GSG1L: variants seen among roughly 807,000 people sequenced by gnomAD.
GSG1L encodes the protein germ cell-specific gene 1-like protein.
Under a neutral mutation model 42.1 loss-of-function variants are expected in GSG1L, and 24 were observed. That is an observed-to-expected ratio of 0.57 (90% confidence interval 0.41 to 0.80). The LOEUF (loss-of-function observed/expected upper bound fraction) is 0.80. Ranked by LOEUF, GSG1L falls within the 30% of genes least tolerant of loss-of-function variation. The pLI is 0.00. For missense variants in GSG1L, 445 were observed against 472.2 expected (o/e 0.94, Z 0.53); for synonymous variants, 215 against 203.5 (o/e 1.06, Z -0.48).
At chr16:28,006,988 A>G (rs1431369595) in intron 1 of GSG1L, among the ~76,000 whole-genome samples, 2 of 152,192 alleles carry the variant, frequency 1.3e-5, no homozygotes, top group African/African-American at 2.4e-5. Flanking sequence ...TCAGGGAGAC[A>G]CTGAGAGCCC....
chr16:27,889,831 T>C lies in GSG1L; in HGVS notation c.398-5193A>G, dbSNP rs150014051. Among the ~76,000 whole-genome samples the C allele has an allele frequency of 3.0e-3, 452 of 152,330 alleles. 2 individuals carry two copies. The highest frequency in any genetic ancestry group is 0.01 in the African/African-American group (424 of 41,582). Reference sequence around the variant, plus strand: ...ACTTTGCACCCAAATCCTCATCCTATGCTGCGCCTCTAGATAATCTGATCT... The same window carrying C: ...ACTTTGCACCCAAATCCTCATCCTACGCTGCGCCTCTAGATAATCTGATCT... On this transcript the variant is annotated intron_variant, in intron 2 of 6. Coordinates refer to ENST00000447459, the MANE Select transcript of GSG1L (RefSeq NM_001109763.2).
At chr16:27,866,107 G>A (rs1323852755) in intron 3 of GSG1L, among the ~76,000 whole-genome samples, 1 of 151,626 alleles carries the variant, frequency 6.6e-6, no homozygotes. Context: ...ATATCTCTCT[G>A]CCTCTCTGTA....
chr16:27,794,677 C>T (rs542340533), intron 6 of GSG1L, among the ~76,000 whole-genome samples: 116 of 152,290 alleles, frequency 7.6e-4, no homozygotes, highest in Non-Finnish European at 6.3e-4. Flanking sequence ...AACAAAACCT[C>T]CTGGCTTTTA....
At chr16:27,817,255 T>C (rs72780177) in intron 5 of GSG1L, among the ~76,000 whole-genome samples, 24,958 of 152,068 alleles carry the variant, frequency 0.16, 2,133 homozygotes, top group South Asian at 0.24. Flanking sequence ...GGGTGTCAGG[T>C]GCCCTGGGGC....
intron 6 of GSG1L, among the ~76,000 whole-genome samples, chr16:27,795,432 G>A (rs534292688): frequency 7.9e-5 from 12 of 152,200 alleles, no homozygotes; most frequent in South Asian, 4.2e-4. Flanking sequence ...TTTTTAAGCC[G>A]TGTGGCTTCT....
intron 1 of GSG1L, among the ~76,000 whole-genome samples, chr16:28,042,350 TG>T (rs2086116030): frequency 6.6e-6 from 1 of 151,426 alleles, no homozygotes; most frequent in Non-Finnish European, 1.5e-5. Context: ...AAAGAAGAAT[TG>T]CTTGAACCCG....
chr16:27,864,095 C>A (rs892570974), intron 3 of GSG1L, among the ~76,000 whole-genome samples: 1 of 152,198 alleles, frequency 6.6e-6, no homozygotes, highest in African/African-American at 2.4e-5. Flanking sequence ...TCCCAGCTTA[C>A]ATCCTCTCCT....
At chr16:28,009,988 C>CAT (rs2085695006) in intron 1 of GSG1L, among the ~76,000 whole-genome samples, 1 of 140,954 alleles carries the variant, frequency 7.1e-6, no homozygotes, top group African/African-American at 3.2e-5. Flanking sequence ...TGTCCTCATG[C>CAT]ACACACACAC....
intron 1 of GSG1L, among the ~76,000 whole-genome samples, chr16:28,005,111 C>T (rs563069611): frequency 1.3e-5 from 2 of 152,216 alleles, no homozygotes; most frequent in East Asian, 1.9e-4. Context: ...GATCTGTTTC[C>T]GGCCTCTCTC....
chr16:27,845,175 AC>A (rs1245308073), intron 3 of GSG1L, 114 bp from the exon 4 acceptor site: 28 of 662,298 alleles, frequency 4.2e-5, no homozygotes, highest in Non-Finnish European at 4.8e-5. Flanking sequence ...ACTGTGGAGA[AC>A]AGGGACCTCT....
intron 5 of GSG1L, among the ~76,000 whole-genome samples, chr16:27,825,563 A>C (rs138055133): frequency 6.0e-4 from 92 of 152,324 alleles, no homozygotes; most frequent in Non-Finnish European, 1.0e-3. Flanking sequence ...TGGGAGGCCA[A>C]GGAGGGAGGA....
rs575871486 is a variant in GSG1L at position 28,022,912 on chromosome 16, C to A, written c.349+40164G>T. Among the ~76,000 whole-genome samples, 8 of 152,182 alleles carry A rather than the reference C, an allele frequency of 5.3e-5. No homozygotes were observed. The East Asian group carries it at 1.5e-3, about 29-fold the overall frequency. ...GTCTTGAACTCCTGACCTCATGATC[C>A]GCCTGCCTCAGCCTCCCAAAGTGCT... On this transcript the variant is annotated intron_variant, in intron 1 of 6. Coordinates refer to ENST00000447459, the MANE Select transcript of GSG1L (RefSeq NM_001109763.2).
intron 4 of GSG1L, among the ~76,000 whole-genome samples, chr16:27,836,865 C>T (rs956614657): frequency 6.6e-6 from 1 of 152,078 alleles, no homozygotes; most frequent in African/African-American, 2.4e-5. Context: ...CTTGCTGGTT[C>T]TTGGCATGGT....
chr16:27,852,107 G>A (rs1392884165), intron 3 of GSG1L, among the ~76,000 whole-genome samples: 1 of 152,220 alleles, frequency 6.6e-6, no homozygotes, highest in African/African-American at 2.4e-5. Flanking sequence ...ATTTATAATA[G>A]AGTTTATTAC....
chr16:28,039,595 C>A (rs1421922405), intron 1 of GSG1L, among the ~76,000 whole-genome samples: 1 of 142,316 alleles, frequency 7.0e-6, no homozygotes, highest in African/African-American at 2.6e-5. Context: ...ATGCACATAC[C>A]CACACTTGCA....
intron 2 of GSG1L, among the ~76,000 whole-genome samples, chr16:27,930,875 C>T (rs1241560981): frequency 1.3e-5 from 2 of 152,142 alleles, no homozygotes; most frequent in African/African-American, 2.4e-5. Context: ...CAGACATGCA[C>T]CACATGCCTG....
At chr16:27,878,329 A>C (rs1393318244) in intron 3 of GSG1L, among the ~76,000 whole-genome samples, 1 of 152,154 alleles carries the variant, frequency 6.6e-6, no homozygotes, top group Non-Finnish European at 1.5e-5. Flanking sequence ...GTGGAAGGGG[A>C]AGCAAACATG....
intron 2 of GSG1L, among the ~76,000 whole-genome samples, chr16:27,923,774 G>C (rs149808044): frequency 6.6e-6 from 1 of 150,568 alleles, no homozygotes; most frequent in Non-Finnish European, 1.5e-5. Flanking sequence ...GAAAGAAAGA[G>C]AGAGAGAGAA....
chr16:27,989,636 A>G (rs2085432242), intron 1 of GSG1L, among the ~76,000 whole-genome samples: 1 of 151,958 alleles, frequency 6.6e-6, no homozygotes, highest in South Asian at 2.1e-4. Flanking sequence ...GCTACTTGGG[A>G]GGCTGAGGCA....
Sources: gnomAD v4.1 joint callset for allele counts (sites outside exome capture counted in the v4.1 genomes callset) on GRCh38, gnomAD v4.1.1 for gene constraint, MANE v1.5 for transcripts, NCBI Gene and HGNC (gene_info 2026-07-23, HGNC 2026-07-21) for gene names.